ZNF347: variants seen among roughly 807,000 people sequenced by gnomAD.
The protein encoded by ZNF347 is zinc finger protein 347, also known as CTD-2620I22.7.
A neutral mutation model predicts 12.9 loss-of-function variants in ZNF347; 19 were observed. The ratio of observed to expected loss-of-function variants is 1.47; its 90% CI spans 1.03 to 2.16. ZNF347 has a LOEUF of 2.16. Among genes scored for constraint, ZNF347 ranks in the 30% most tolerant of loss-of-function variants. The probability of loss-of-function intolerance (pLI) is 0.00; values close to 1 mark genes in which losing one functional copy is unlikely to be tolerated. For synonymous variants in ZNF347, 328 were observed against 340.6 expected, an observed-to-expected ratio of 0.96 and a Z score of 0.41; for missense variants, 1,005 against 990.6, an observed-to-expected ratio of 1.01 and a Z score of -0.19.
intron 4 of ZNF347, 105 bp from the exon 5 acceptor site, chr19:53,142,661 G>A (rs1468076512): frequency 2.3e-6 from 2 of 856,838 alleles, no homozygotes; most frequent in East Asian, 2.9e-5. Flanking sequence ...TAAACCAAAA[G>A]CAATTCTTAT....
At chr19:53,153,891 T>TCACA in intron 1 of ZNF347, 98 bp from the exon 2 acceptor site, 3 of 809,900 alleles carry the variant, frequency 3.7e-6, no homozygotes, top group South Asian at 1.6e-5. Context: ...TATGCCACAA[T>TCACA]CACACACACA....
intron 4 of ZNF347, among the ~76,000 whole-genome samples, chr19:53,144,983 A>G (rs1010056143): frequency 7.2e-5 from 11 of 152,030 alleles, no homozygotes; most frequent in African/African-American, 2.7e-4. Flanking sequence ...ACCAACAAGA[A>G]GAGCCTCAGA....
At chr19:53,146,656 C>T (rs1263695226) in intron 4 of ZNF347, among the ~76,000 whole-genome samples, 17 of 151,886 alleles carry the variant, frequency 1.1e-4, no homozygotes, top group African/African-American at 3.9e-4. Flanking sequence ...GGGAGGTACA[C>T]CCAAATTAAT....
Position 53,142,069 on chromosome 19 carries a change from T to A in ZNF347, c.759A>T (p.Lys253Asn). ...ISSLLLTQGQ[K>N]ANNWGSPYKS... is the part of the protein sequence containing the mutation. ...TGTAAGGGCTTCCCCAATTATTTGC[T>A]TTTTGCCCCTGTGTGAGTAATAAAG... The change falls in exon 5 of 5, where the codon AAA (lysine) becomes AAT (asparagine). Residue 253 changes from lysine (K) to asparagine (N), a missense_variant. Physicochemically the swap from Lys to Asn is moderately conservative, Grantham distance 94 (BLOSUM62 0). Coordinates refer to ENST00000334197, the MANE Select transcript of ZNF347 (RefSeq NM_032584.3). 1 of 1,613,128 alleles carries A rather than the reference T, an allele frequency of 6.2e-7. No individual in the cohort carries two copies. The highest frequency in any genetic ancestry group is 8.5e-7 in the Non-Finnish European group (1 of 1,179,740).
At chr19:53,155,158 G>A (rs959102092) in intron 1 of ZNF347, among the ~76,000 whole-genome samples, 5 of 152,042 alleles carry the variant, frequency 3.3e-5, no homozygotes, top group East Asian at 3.9e-4. Context: ...GGCTGGTCTC[G>A]AACTCCTGAC....
Position 53,140,345 on chromosome 19 carries a change from G to A in ZNF347, c.2483C>T (p.Ser828Leu), listed in dbSNP as rs1164395003. The A allele has an allele frequency of 1.3e-6, 2 of 1,574,270 alleles. No homozygotes were observed. Among genetic ancestry groups the A allele is most frequent in the East Asian group, 2.2e-5 (1 of 44,694 alleles). The change falls in exon 5 of 5, where the codon TCA becomes TTA. Residue 828 changes from serine (S) to leucine (L), a missense_variant. By Grantham distance (145) the Ser-to-Leu change is moderately radical. Transcript: ENST00000334197. ...YKCNVWKVLK[S>L]EFKPCKPSQN... ...TGATGGCTTGCAAGGTTTGAACTCTGACTTTAGAACTTTCCACACGTTACA... is the reference window on the plus strand; with the variant it reads ...TGATGGCTTGCAAGGTTTGAACTCTAACTTTAGAACTTTCCACACGTTACA...
rs892122331 is a variant in ZNF347 at position 53,148,794 on chromosome 19, T to G, written c.158A>C (p.Asp53Ala). The change falls in exon 4 of 5, where the codon GAC (aspartate) becomes GCC (alanine). Residue 53 changes from aspartate (D) to alanine (A), a missense_variant. Transcript: ENST00000334197. ...CTCCAACATAGAGATAATACTGAGG[T>G]CAAAACAAGAGATTCCTGCTTATGA... The part of the protein sequence containing the change: ...NLASLGISCF[D>A]LSIISMLEQG... The G allele has an allele frequency of 1.9e-6, 3 of 1,613,242 alleles. No homozygotes were observed. The highest frequency in any genetic ancestry group is 2.5e-6 in the Non-Finnish European group (3 of 1,179,672).
intron 1 of ZNF347, among the ~76,000 whole-genome samples, chr19:53,157,045 C>T (rs2090540357): frequency 6.6e-6 from 1 of 152,082 alleles, no homozygotes; most frequent in Admixed American, 6.6e-5. Context: ...TTAGTTCATA[C>T]ACTCGCCCAC....
rs2090382771 is a variant in ZNF347, at chr19:53,135,369, A to AGAGAGAG, written c.*4938_*4939insCTCTCTC. 1.0e-4 allele frequency: 9 copies of AGAGAGAG among 87,914 alleles called. No individual in the cohort carries two copies. The highest frequency in any genetic ancestry group is 3.2e-4 in the African/African-American group (7 of 22,146). 5.4% of individuals were successfully genotyped at this position (87,914 alleles called of 1,614,324 possible). ...AGAGAGAGAGAGAGAGAGAGAGAGA[A>AGAGAGAG]AGAGAGAGAGAGAGAGAGAGAGAGA... On this transcript the variant is annotated 3_prime_UTR_variant, in exon 5 of 5. Transcript: ENST00000334197.
At position 53,138,278 on chromosome 19, in the gene ZNF347, G is replaced by A. The variant is rs2090397925; in HGVS notation, c.*2030C>T. On this transcript the variant is annotated 3_prime_UTR_variant, in exon 5 of 5. Transcript: ENST00000334197. ...CTACAGGCATGAGCCACCCTGCCTG[G>A]GTAATATTTCTATTTTTTTTGTAGA... The A allele has an allele frequency of 6.6e-6, 1 of 151,998 alleles. No individual in the cohort carries two copies. The highest frequency in any genetic ancestry group is 1.5e-5 in the Non-Finnish European group (1 of 68,034). The allele number at this position is 151,998 out of a possible 1,614,324, so 9.4% of individuals were successfully genotyped here.
rs2090555557 is a variant in ZNF347, at chr19:53,159,039, TC to T, written c.-78del. 6.6e-6 allele frequency: 1 copy of T among 151,632 alleles called. No homozygotes were observed. The highest frequency in any genetic ancestry group is 1.5e-5 in the Non-Finnish European group (1 of 68,010). 9.4% of individuals were successfully genotyped at this position (151,632 alleles called of 1,614,324 possible). On this transcript the variant is annotated 5_prime_UTR_variant, in exon 1 of 5. Transcript: ENST00000334197. ...GCGGCGTCACCCGCACCCAACACGATCCGCTTCCGGAACTGCAGAAAACTGC... is the reference window on the plus strand; with the variant it reads ...GCGGCGTCACCCGCACCCAACACGATCGCTTCCGGAACTGCAGAAAACTGC...
rs1032784579 is a variant in ZNF347 at position 53,145,970 on chromosome 19, TA to T, written c.271+2710del. 2.7e-3 allele frequency among the ~76,000 whole-genome samples: 411 copies of T among 151,510 alleles called. 2 individuals carry two copies. The highest frequency in any genetic ancestry group is 9.1e-3 in the African/African-American group (375 of 41,296). On this transcript the variant is annotated intron_variant, in intron 4 of 4. Coordinates refer to ENST00000334197, the MANE Select transcript of ZNF347 (RefSeq NM_032584.3). ...AGATCAATAAAATGAAAAGTAGGATTAAAAAAAAATTTTTTTTTTTTTGAGA... is the reference window on the plus strand; with the variant it reads ...AGATCAATAAAATGAAAAGTAGGATTAAAAAAAATTTTTTTTTTTTTGAGA...
chr19:53,154,352 G>A (rs1023188513), intron 1 of ZNF347, among the ~76,000 whole-genome samples: 2 of 151,966 alleles, frequency 1.3e-5, no homozygotes, highest in Admixed American at 1.3e-4. Context: ...AGCCAGGCAC[G>A]GTCACTCACG....
chr19:53,151,864 G>A (rs2090500210), intron 2 of ZNF347, among the ~76,000 whole-genome samples: 1 of 152,130 alleles, frequency 6.6e-6, no homozygotes, highest in Admixed American at 6.5e-5. Flanking sequence ...GGAGGCCGAG[G>A]AGGGCGGATC....
chr19:53,151,695 T>C (rs1279121087), intron 2 of ZNF347, among the ~76,000 whole-genome samples: 2 of 152,196 alleles, frequency 1.3e-5, no homozygotes, highest in Non-Finnish European at 2.9e-5. Context: ...TATGTAACTA[T>C]TCTTACTATT....
intron 4 of ZNF347, among the ~76,000 whole-genome samples, chr19:53,146,157 T>C (rs2090461991): frequency 6.6e-6 from 1 of 151,924 alleles, no homozygotes; most frequent in African/African-American, 2.4e-5. Flanking sequence ...GTATTTTTAG[T>C]AGAGATGGGG....
rs1239267661 is a variant in ZNF347, at chr19:53,140,780, C to T, written c.2048G>A (p.Cys683Tyr). The T allele has an allele frequency of 2.5e-6, 4 of 1,612,670 alleles. No homozygotes were observed. The highest frequency in any genetic ancestry group is 3.4e-6 in the Non-Finnish European group (4 of 1,179,296). Reference sequence around the variant, plus strand: ...ACTAAAGGCTTTGCCACATTCATTACACTGGTAAGGTTTACCTCCAGTATG... The same window carrying T: ...ACTAAAGGCTTTGCCACATTCATTATACTGGTAAGGTTTACCTCCAGTATG... ...RVHTGGKPYQ[C>Y]NECGKAFSQT... is the part of the protein sequence containing the mutation. The change falls in exon 5 of 5, where the codon TGT becomes TAT. Residue 683 changes from cysteine (C) to tyrosine (Y), a missense_variant. Cys to Tyr is a radical substitution (Grantham distance 194, BLOSUM62 -2). Coordinates refer to ENST00000334197, the MANE Select transcript of ZNF347 (RefSeq NM_032584.3).
At chr19:53,148,327 C>G (rs776369021) in intron 4 of ZNF347, among the ~76,000 whole-genome samples, 6 of 152,164 alleles carry the variant, frequency 3.9e-5, no homozygotes, top group Non-Finnish European at 7.4e-5. Flanking sequence ...AGACTGAGAA[C>G]TGGGCATCAG....
At chr19:53,142,960 A>G (rs369137570) in intron 4 of ZNF347, among the ~76,000 whole-genome samples, 1 of 152,230 alleles carries the variant, frequency 6.6e-6, no homozygotes, top group East Asian at 1.9e-4. Flanking sequence ...TGTAACTGTT[A>G]CACTAATATT....
Sources: allele counts gnomAD v4.1 joint callset (sites outside exome capture counted in the v4.1 genomes callset), GRCh38; gene constraint gnomAD v4.1.1; transcripts MANE v1.5; gene names NCBI Gene and HGNC (gene_info 2026-07-23, HGNC 2026-07-21).